Variants in SLC25A28 observed in about 807,000 individuals in gnomAD.
SLC25A28 encodes solute carrier family 25 member 28, also known as mitoferrin-2.
In SLC25A28, 10 loss-of-function variants were observed where a neutral mutation model predicts 31.9. The ratio of observed to expected loss-of-function variants is 0.31; its 90% confidence interval spans 0.19 to 0.53. SLC25A28 has a LOEUF of 0.53. SLC25A28 is among the 20% of genes least tolerant of loss of function. The pLI, the probability that SLC25A28 is intolerant of heterozygous loss-of-function variation, is 0.95. For synonymous variants in SLC25A28, 208 were observed against 203.6 expected (o/e 1.02, Z -0.19); for missense variants, 256 against 490.3 (o/e 0.52, Z 4.51).
At position 99,612,607 on chromosome 10, in the gene SLC25A28, C is replaced by T; in HGVS notation, c.521-8G>A. ...CCACACACCCGGCCGCACCTGCAAACAAGAAAACAACTGCCACATGTAAGG... is the reference window on the plus strand; with the variant it reads ...CCACACACCCGGCCGCACCTGCAAATAAGAAAACAACTGCCACATGTAAGG... On this transcript the variant is annotated splice_region_variant and splice_polypyrimidine_tract_variant and intron_variant, in intron 2 of 3. Transcript: ENST00000370495. The T allele has an allele frequency of 6.2e-7, 1 of 1,614,130 alleles. No individual in the cohort carries two copies. Among genetic ancestry groups the T allele is most frequent in the Non-Finnish European group, 8.5e-7 (1 of 1,180,030 alleles).
At chr10:99,615,937 G>A (rs781760280) in intron 1 of SLC25A28, 24 of 985,206 alleles carry the variant, frequency 2.4e-5, no homozygotes, top group East Asian at 1.1e-4. Flanking sequence ...AGAGAAAACC[G>A]GACTGTGGGA....
At chr10:99,615,836 A>G (rs2034638859) in intron 1 of SLC25A28, 1 of 985,432 alleles carries the variant, frequency 1.0e-6, no homozygotes, top group Middle Eastern at 5.2e-4. Context: ...GGGAATGTTC[A>G]GCAATTGCAT....
upstream of SLC25A28, chr10:99,621,095 G>A (rs1287213044): frequency 1.6e-6 from 1 of 607,478 alleles, no homozygotes; most frequent in Non-Finnish European, 2.1e-6. Flanking sequence ...GCGACCCGCA[G>A]CCTGTCCGGG....
At chr10:99,655,329 GTTTC>G in the SLC25A28 span, among the ~76,000 whole-genome samples, 2 of 152,182 alleles carry the variant, frequency 1.3e-5, no homozygotes, top group African/African-American at 4.8e-5. Context: ...AAAAAAGGTA[GTTTC>G]TTTTCTGTTT....
At chr10:99,638,975 G>T in the SLC25A28 span, among the ~76,000 whole-genome samples, 7 of 152,028 alleles carry the variant, frequency 4.6e-5, no homozygotes, top group Non-Finnish European at 1.0e-4. Context: ...GTATGAAAAA[G>T]ATACTTGCAC....
At chr10:99,658,662 G>A in the SLC25A28 span, among the ~76,000 whole-genome samples, 2 of 152,144 alleles carry the variant, frequency 1.3e-5, no homozygotes, top group African/African-American at 2.4e-5. Flanking sequence ...AACAGGACGC[G>A]TTGCTGGAGC....
upstream of SLC25A28, among the ~76,000 whole-genome samples, chr10:99,624,644 G>A (rs1337860477): frequency 3.3e-5 from 5 of 152,288 alleles, no homozygotes; most frequent in Admixed American, 3.3e-4. Context: ...AGATCAGCCT[G>A]GCCAACATGG....
the SLC25A28 span, among the ~76,000 whole-genome samples, chr10:99,641,881 G>A: frequency 1.3e-5 from 2 of 151,798 alleles, no homozygotes; most frequent in Non-Finnish European, 2.9e-5. Flanking sequence ...GGTTGTAGAT[G>A]TGTGGTATTA....
chr10:99,617,484 T>TA, intron 1 of SLC25A28: 1 of 965,330 alleles, frequency 1.0e-6, no homozygotes, highest in Non-Finnish European at 1.2e-6. Context: ...CCTCCAGTCT[T>TA]AAAGACTGGG....
chr10:99,626,855 G>A, the SLC25A28 span, among the ~76,000 whole-genome samples: 3 of 151,784 alleles, frequency 2.0e-5, no homozygotes, highest in Non-Finnish European at 1.5e-5. Context: ...CAGTCCCACC[G>A]TTAGTCCTTC....
chr10:99,635,423 T>G, the SLC25A28 span, among the ~76,000 whole-genome samples: 1 of 152,186 alleles, frequency 6.6e-6, no homozygotes, highest in Non-Finnish European at 1.5e-5. Flanking sequence ...GGCTCACACC[T>G]GTAATCCCAG....
upstream of SLC25A28, among the ~76,000 whole-genome samples, chr10:99,624,191 CCTT>C (rs1184105591): frequency 3.4e-5 from 5 of 148,764 alleles, no homozygotes; most frequent in East Asian, 3.9e-4. Flanking sequence ...TTTCTTCCTT[CCTT>C]CTTTCTTTGT....
chr10:99,655,797 G>C, the SLC25A28 span, among the ~76,000 whole-genome samples: 1 of 152,062 alleles, frequency 6.6e-6, no homozygotes, highest in African/African-American at 2.4e-5. Context: ...GATTGACTTA[G>C]ACAATCACAA....
Position 99,611,251 on chromosome 10 carries a change from C to T in SLC25A28, c.693G>A (p.Gln231=). 1 of 1,614,162 alleles carries T rather than the reference C, an allele frequency of 6.2e-7. No homozygotes were observed. The highest frequency in any genetic ancestry group is 2.2e-5 in the East Asian group (1 of 44,872). ...AGAFYRSYTT[Q]LTMNVPFQAI... is the part of the protein sequence containing the mutation. ...CTTGGAAAGGAACGTTCATGGTCAG[C>T]TGGGTGGTGTAGCTGCGGTAAAAGG... Residue 231 remains glutamine, a synonymous_variant, in exon 4 of 4, where the codon CAG becomes CAA. Coordinates refer to ENST00000370495, the MANE Select transcript of SLC25A28 (RefSeq NM_031212.4). This position sits in a 1 kb window ranked among gnomAD's most constrained non-coding sequence, Gnocchi z 5.5.
chr10:99,635,791 A>C, the SLC25A28 span, among the ~76,000 whole-genome samples: 2 of 152,250 alleles, frequency 1.3e-5, no homozygotes, highest in African/African-American at 4.8e-5. Flanking sequence ...TTTCATGCGA[A>C]TGAACACCAA....
upstream of SLC25A28, among the ~76,000 whole-genome samples, chr10:99,622,919 C>T (rs891289583): frequency 6.6e-6 from 1 of 151,904 alleles, no homozygotes; most frequent in Non-Finnish European, 1.5e-5. Flanking sequence ...AGACATAGTC[C>T]ATGTTCTCAT....
the SLC25A28 span, among the ~76,000 whole-genome samples, chr10:99,657,036 A>G: frequency 6.6e-6 from 1 of 152,364 alleles, no homozygotes; most frequent in Admixed American, 6.5e-5. Context: ...CAAAGAAAAT[A>G]TAATGAAAAA....
intron 1 of SLC25A28, chr10:99,615,445 AAACT>A (rs1220641227): frequency 1.0e-6 from 1 of 985,228 alleles, no homozygotes; most frequent in Non-Finnish European, 1.2e-6. Context: ...GGGAGAAAAG[AAACT>A]AACCAGATGA....
chr10:99,618,886 AT>A (rs1242105170), intron 1 of SLC25A28: 2 of 985,328 alleles, frequency 2.0e-6, no homozygotes, highest in Non-Finnish European at 2.4e-6. Context: ...CTCCTTTTGA[AT>A]ACATAACACT....
Sources: gnomAD v4.1 joint callset for allele counts (sites outside exome capture counted in the v4.1 genomes callset) on GRCh38, gnomAD v4.1.1 for gene constraint, Gnocchi (gnomAD v3.1) non-coding constraint, MANE v1.5 for transcripts, NCBI Gene and HGNC (gene_info 2026-07-23, HGNC 2026-07-21) for gene names.